The following CDH19 variants were observed in gnomAD, a reference collection of about 807,000 sequenced individuals.
CDH19 encodes the protein cadherin-19.
In CDH19, 67 loss-of-function variants were observed where a neutral mutation model predicts 64.2. The ratio of observed to expected loss-of-function variants is 1.04; its 90% CI spans 0.86 to 1.28. The LOEUF is 1.28. Ranked by LOEUF, CDH19 falls within the 50% of genes most tolerant of loss-of-function variation. The pLI, the probability that CDH19 is intolerant of heterozygous loss-of-function variation, is 0.00. For synonymous variants in CDH19, 346 were observed against 319.3 expected (o/e 1.08, Z -0.89); for missense variants, 1,030 against 929.0 (o/e 1.11, Z -1.41).
At chr18:66,517,581 T>C (rs1325671567) in intron 9 of CDH19, among the ~76,000 whole-genome samples, 1 of 152,012 alleles carries the variant, frequency 6.6e-6, no homozygotes, top group Non-Finnish European at 1.5e-5. Context: ...GGTATTTGAG[T>C]AAATGTTTGG....
At chr18:66,544,657 C>A in intron 6 of CDH19, 62 bp downstream of exon 6, 2 of 1,163,086 alleles carry the variant, frequency 1.7e-6, no homozygotes, top group Non-Finnish European at 2.4e-6. Context: ...ACCAGCTACA[C>A]AAAATATGTT....
At chr18:66,575,634 A>T in intron 1 of CDH19, among the ~76,000 whole-genome samples, 1 of 151,832 alleles carries the variant, frequency 6.6e-6, no homozygotes, top group Non-Finnish European at 1.5e-5. Flanking sequence ...TCAATAAAGG[A>T]AAGTGGGATG....
At chr18:66,587,548 A>T (rs188597105) in intron 1 of CDH19, among the ~76,000 whole-genome samples, 1 of 152,294 alleles carries the variant, frequency 6.6e-6, no homozygotes, top group Admixed American at 6.5e-5. Flanking sequence ...GTTTACCAAT[A>T]TGTCTCTTGC....
intron 5 of CDH19, among the ~76,000 whole-genome samples, chr18:66,546,448 A>T (rs982182455): frequency 6.6e-6 from 1 of 152,172 alleles, no homozygotes; most frequent in Admixed American, 6.5e-5. Flanking sequence ...TATTGAGTTG[A>T]TATTAAACTA....
In CDH19 at chr18:66,508,788, C is replaced by T. The variant is rs8088426; in HGVS notation, c.1828+207G>A. On this transcript the variant is annotated intron_variant, in intron 11 of 11. Coordinates refer to ENST00000262150, the MANE Select transcript of CDH19 (RefSeq NM_021153.4). ...TACAATTCAAAGATCATGTTTTTAT[C>T]CACTTATTTACTCCACTTGATTTAA... 0.32 allele frequency among the ~76,000 whole-genome samples: 48,475 copies of T among 151,676 alleles called. 9,370 individuals carry two copies. Among genetic ancestry groups the T allele is most frequent in the African/African-American group, 0.54 (22,265 of 41,372 alleles).
chr18:66,593,287 A>T (rs1487197410), intron 1 of CDH19, among the ~76,000 whole-genome samples: 1 of 151,964 alleles, frequency 6.6e-6, no homozygotes, highest in Non-Finnish European at 1.5e-5. Flanking sequence ...AGTGTTAAAT[A>T]CTGAAAGTCA....
rs774176158 is a variant in CDH19 at position 66,504,928 on chromosome 18, A to T, written c.2203T>A (p.Ser735Thr). 1.2e-6 allele frequency: 2 copies of T among 1,613,474 alleles called. No homozygotes were observed. The highest frequency in any genetic ancestry group is 3.3e-5 in the Admixed American group (2 of 59,860). ...GTGSLAGSLS[S>T]LESAVSDQDE... ...TGATCAGAGACTGCTGATTCTAAGG[A>T]GCTCAGGGATCCAGCTAATGACCCT... is the stretch of plus-strand genomic sequence containing the variant. The change falls in exon 12 of 12, where the codon TCC becomes ACC. Residue 735 changes from serine (S) to threonine (T), a missense_variant. Coordinates refer to ENST00000262150, the MANE Select transcript of CDH19 (RefSeq NM_021153.4).
chr18:66,593,373 A>G (rs534663103), intron 1 of CDH19, among the ~76,000 whole-genome samples: 11 of 152,114 alleles, frequency 7.2e-5, no homozygotes, highest in African/African-American at 2.2e-4. Context: ...TATACAAAAA[A>G]ATTTATCAAT....
chr18:66,588,620 C>CTA (rs201082837), intron 1 of CDH19, among the ~76,000 whole-genome samples: 2,779 of 114,606 alleles, frequency 0.024, 175 homozygotes, highest in African/African-American at 0.068. Context: ...ATATCTATAT[C>CTA]TATATCTATA....
chr18:66,540,073 T>TTC (rs150057094), intron 7 of CDH19, among the ~76,000 whole-genome samples: 44 of 149,596 alleles, frequency 2.9e-4, no homozygotes, highest in Non-Finnish European at 4.5e-4. Flanking sequence ...AATTTTTGTC[T>TTC]TCTCTCTCTC....
chr18:66,517,535 T>C (rs1456304460), intron 9 of CDH19, among the ~76,000 whole-genome samples: 1 of 151,964 alleles, frequency 6.6e-6, no homozygotes, highest in Non-Finnish European at 1.5e-5. Flanking sequence ...CACTTACACA[T>C]TAAGAACAAA....
intron 7 of CDH19, among the ~76,000 whole-genome samples, chr18:66,542,657 C>CCAAAGG (rs1986934438): frequency 6.6e-6 from 1 of 152,078 alleles, no homozygotes; most frequent in Non-Finnish European, 1.5e-5. Flanking sequence ...GTTCCCAACC[C>CCAAAGG]CCAAGGCCAT....
chr18:66,549,478 A>G (rs1987258613), intron 5 of CDH19, among the ~76,000 whole-genome samples: 1 of 152,090 alleles, frequency 6.6e-6, no homozygotes, highest in South Asian at 2.1e-4. Flanking sequence ...TTGCCTTCAG[A>G]GGCCATATTA....
chr18:66,550,707 C>G (rs962462853), intron 5 of CDH19, among the ~76,000 whole-genome samples: 1 of 152,040 alleles, frequency 6.6e-6, no homozygotes, highest in Non-Finnish European at 1.5e-5. Context: ...TGTCTCCCAG[C>G]TTACAGCCAT....
intron 10 of CDH19, among the ~76,000 whole-genome samples, chr18:66,509,528 G>A (rs1568170459): frequency 6.6e-6 from 1 of 150,626 alleles, no homozygotes; most frequent in African/African-American, 2.5e-5. Context: ...TACTTATTTA[G>A]TTAAAGTATT....
In CDH19 at chr18:66,509,253, C is replaced by T. The variant is rs1985354124; in HGVS notation, c.1577-7G>A. 6.2e-7 allele frequency: 1 copy of T among 1,609,516 alleles called. No homozygotes were observed. Among genetic ancestry groups the T allele is most frequent in the Non-Finnish European group, 8.5e-7 (1 of 1,177,570 alleles). ...AAAATGACAGCTGTGTTATCTAAAA[C>T]AAAAATCCATGTGCATAATTTTTTC... On this transcript the variant is annotated splice_region_variant and splice_polypyrimidine_tract_variant and intron_variant, in intron 10 of 11. Coordinates refer to ENST00000262150, the MANE Select transcript of CDH19 (RefSeq NM_021153.4).
intron 1 of CDH19, among the ~76,000 whole-genome samples, chr18:66,583,885 A>C (rs1355825432): frequency 6.6e-6 from 1 of 152,092 alleles, no homozygotes; most frequent in African/African-American, 2.4e-5. Context: ...ATGAAACCCA[A>C]AACTATAAAA....
At chr18:66,593,158 T>C (rs529583820) in intron 1 of CDH19, among the ~76,000 whole-genome samples, 4 of 152,028 alleles carry the variant, frequency 2.6e-5, no homozygotes, top group Non-Finnish European at 4.4e-5. Flanking sequence ...ATTAGTGATG[T>C]TGAAAATTTT....
intron 9 of CDH19, among the ~76,000 whole-genome samples, chr18:66,516,512 G>C (rs1985745054): frequency 6.6e-6 from 1 of 151,946 alleles, no homozygotes; most frequent in Admixed American, 6.6e-5. Flanking sequence ...CCCAAAATTT[G>C]CCTAAGGGTA....
Sources: allele counts gnomAD v4.1 joint callset (sites outside exome capture counted in the v4.1 genomes callset), GRCh38; gene constraint gnomAD v4.1.1; transcripts MANE v1.5; gene names NCBI Gene and HGNC (gene_info 2026-07-23, HGNC 2026-07-21).